Variants in ARL15 observed in about 807,000 individuals in gnomAD.
The protein encoded by ARL15 is ARF like GTPase 15.
In ARL15, 19 loss-of-function variants were observed where a neutral mutation model predicts 25.2. That is an observed-to-expected ratio of 0.75 (90% CI 0.53 to 1.10). The LOEUF (loss-of-function observed/expected upper bound fraction) is 1.10. Ranked by LOEUF, ARL15 falls within the 50% of genes least tolerant of loss-of-function variation. ARL15 has a pLI of 0.00. For missense variants in ARL15, 220 were observed against 246.0 expected (o/e 0.89, Z 0.71); for synonymous variants, 94 against 86.8 (o/e 1.08, Z -0.46).
chr5:54,246,822 A>T (rs1320040720), intron 1 of ARL15, among the ~76,000 whole-genome samples: 2 of 150,768 alleles, frequency 1.3e-5, no homozygotes, highest in Non-Finnish European at 3.0e-5. Flanking sequence ...ACACACACAC[A>T]CACACACACA....
intron 1 of ARL15, among the ~76,000 whole-genome samples, chr5:54,265,974 G>C (rs1757613388): frequency 6.6e-6 from 1 of 152,190 alleles, no homozygotes; most frequent in African/African-American, 2.4e-5. Flanking sequence ...GGGGTTCAGA[G>C]ATGTTAAGTG....
In ARL15 at chr5:54,087,101, T is replaced by C. The variant is rs568911576; in HGVS notation, c.462+26101A>G. Among the ~76,000 whole-genome samples the C allele has an allele frequency of 6.6e-5, 10 of 151,918 alleles. No individual in the cohort carries two copies. The East Asian group carries it at 1.6e-3, about 24-fold the overall frequency. ...CCTGTAATCGCAGCACTTTGAGAGG[T>C]CAAGGTGGGCGGATCACGAGGTCAG... On this transcript the variant is annotated intron_variant, in intron 4 of 4. Transcript: ENST00000504924.
chr5:53,919,835 T>C (rs1195971742), intron 4 of ARL15, among the ~76,000 whole-genome samples: 1 of 152,220 alleles, frequency 6.6e-6, no homozygotes, highest in Non-Finnish European at 1.5e-5. Context: ...TTGTTCCTTG[T>C]ATCAGAGCTG....
In ARL15 at chr5:53,886,555, C is replaced by T. The variant is rs372730605; in HGVS notation, c.*6G>A. The T allele has an allele frequency of 1.1e-4, 169 of 1,552,528 alleles. No individual in the cohort carries two copies. The highest frequency in any genetic ancestry group is 1.4e-4 in the Non-Finnish European group (165 of 1,148,908). On this transcript the variant is annotated 3_prime_UTR_variant, in exon 5 of 5. Coordinates refer to ENST00000504924, the MANE Select transcript of ARL15 (RefSeq NM_019087.3). Reference sequence around the variant, plus strand: ...CCTTTTGGGAGCCTGTTTTCTTTGCCAGATTTCACATTCTTACAGCTTCAT... The same window carrying T: ...CCTTTTGGGAGCCTGTTTTCTTTGCTAGATTTCACATTCTTACAGCTTCAT...
chr5:54,171,861 C>A lies in ARL15; in HGVS notation c.116G>T (p.Gly39Val). 6.2e-7 allele frequency: 1 copy of A among 1,613,574 alleles called. No individual in the cohort carries two copies. Among genetic ancestry groups the A allele is most frequent in the Non-Finnish European group, 8.5e-7 (1 of 1,179,712 alleles). The part of the protein sequence containing the change: ...ARPEYDLVCI[G>V]LTGSGKTSLL... ...ACTGGTTTTGCCAGAACCTGTGAGG[C>A]CTATGCAAACCAGGTCATATTCTGG... is the stretch of plus-strand genomic sequence containing the variant. The change falls in exon 2 of 5, where the codon GGC becomes GTC. Residue 39 changes from glycine to valine, a missense_variant. Physicochemically the swap from Gly to Val is moderately radical, Grantham distance 109. Coordinates refer to ENST00000504924, the MANE Select transcript of ARL15 (RefSeq NM_019087.3).
intron 4 of ARL15, among the ~76,000 whole-genome samples, chr5:54,044,912 T>C (rs1750459574): frequency 6.6e-6 from 1 of 152,226 alleles, no homozygotes. Flanking sequence ...ATTTCCCTAT[T>C]GGTTTTGTTT....
At chr5:54,265,680 G>A (rs72754274) in intron 1 of ARL15, among the ~76,000 whole-genome samples, 6,789 of 152,198 alleles carry the variant, frequency 0.045, 366 homozygotes, top group African/African-American at 0.12. Context: ...GAAAATTTCA[G>A]TGAAACAAAA....
At chr5:54,209,933 C>T (rs1223802601) in intron 1 of ARL15, among the ~76,000 whole-genome samples, 1 of 152,058 alleles carries the variant, frequency 6.6e-6, no homozygotes, top group Non-Finnish European at 1.5e-5. Flanking sequence ...TATAAAGATA[C>T]ACAGTGACTT....
intron 1 of ARL15, among the ~76,000 whole-genome samples, chr5:54,215,466 G>A (rs939956707): frequency 2.6e-5 from 4 of 152,078 alleles, no homozygotes; most frequent in Non-Finnish European, 2.9e-5. Flanking sequence ...AATAAGCGCC[G>A]ACCCAGCGCC....
intron 4 of ARL15, among the ~76,000 whole-genome samples, chr5:53,935,282 A>G (rs1325752347): frequency 6.6e-6 from 1 of 152,190 alleles, no homozygotes; most frequent in Non-Finnish European, 1.5e-5. Context: ...CTTTACACCC[A>G]CCCTCATCCA....
At chr5:54,159,574 A>G (rs1210259733) in intron 2 of ARL15, among the ~76,000 whole-genome samples, 1 of 152,234 alleles carries the variant, frequency 6.6e-6, no homozygotes, top group East Asian at 1.9e-4. Flanking sequence ...CACTGAGTCA[A>G]TCATCAATGG....
At chr5:54,000,079 A>C (rs1270253424) in intron 4 of ARL15, among the ~76,000 whole-genome samples, 1 of 152,118 alleles carries the variant, frequency 6.6e-6, no homozygotes, top group African/African-American at 2.4e-5. Context: ...TCCTTAGAAA[A>C]AATTAGCAAA....
At position 54,051,287 on chromosome 5, in the gene ARL15, A is replaced by G. The variant is rs116526303; in HGVS notation, c.462+61915T>C. Among the ~76,000 whole-genome samples, 1,072 of 152,326 alleles carry G rather than the reference A, an allele frequency of 7.0e-3. 12 individuals are homozygous for G. The highest frequency in any genetic ancestry group is 0.025 in the African/African-American group (1,023 of 41,576). ...AGTATGAAGAAACTGAGGTCTTAAG[A>G]GTATATAACTTTCTCAAAGTCGCAA... is the stretch of plus-strand genomic sequence containing the variant. On this transcript the variant is annotated intron_variant, in intron 4 of 4. Transcript: ENST00000504924.
chr5:54,146,429 A>G (rs1297071519), intron 3 of ARL15, among the ~76,000 whole-genome samples: 1 of 152,186 alleles, frequency 6.6e-6, no homozygotes, highest in Non-Finnish European at 1.5e-5. Context: ...AAAAATAAGT[A>G]GCCTTGGAAA....
chr5:54,135,619 A>T (rs534787224), intron 3 of ARL15, among the ~76,000 whole-genome samples: 13 of 152,200 alleles, frequency 8.5e-5, no homozygotes, highest in Non-Finnish European at 1.5e-4. Context: ...AATTATAATG[A>T]ATGATAATAA....
intron 1 of ARL15, among the ~76,000 whole-genome samples, chr5:54,220,655 C>G (rs949801531): frequency 1.3e-5 from 2 of 152,146 alleles, no homozygotes; most frequent in Non-Finnish European, 2.9e-5. Flanking sequence ...GACCTTCGGA[C>G]GCCGCATGCT....
At chr5:54,270,755 TG>T (rs2112644198) in intron 1 of ARL15, among the ~76,000 whole-genome samples, 1 of 152,328 alleles carries the variant, frequency 6.6e-6, no homozygotes, top group Non-Finnish European at 1.5e-5. Flanking sequence ...GTATTCCCAC[TG>T]TAATAATTTG....
At chr5:54,013,350 C>T (rs1276688560) in intron 4 of ARL15, among the ~76,000 whole-genome samples, 1 of 152,220 alleles carries the variant, frequency 6.6e-6, no homozygotes, top group Non-Finnish European at 1.5e-5. Flanking sequence ...CTTCTAACCT[C>T]ACAGGCTGGC....
chr5:54,232,233 C>T (rs1756691100), intron 1 of ARL15, among the ~76,000 whole-genome samples: 1 of 152,244 alleles, frequency 6.6e-6, no homozygotes, highest in Non-Finnish European at 1.5e-5. Context: ...ATCCTGACCA[C>T]ATTTGCCTGT....
Sources: allele counts gnomAD v4.1 joint callset (sites outside exome capture counted in the v4.1 genomes callset), GRCh38; gene constraint gnomAD v4.1.1; transcripts MANE v1.5; gene names NCBI Gene and HGNC (gene_info 2026-07-23, HGNC 2026-07-21).